The following ESR1 variants were observed in gnomAD, a reference collection of about 807,000 sequenced individuals.
ESR1 encodes the protein estrogen receptor 1.
A neutral mutation model predicts 52.7 loss-of-function variants in ESR1; 12 were observed. That is an observed-to-expected ratio of 0.23 (90% CI 0.15 to 0.37). ESR1 has a LOEUF of 0.37. Ranked by LOEUF, ESR1 falls within the 10% of genes least tolerant of loss-of-function variation. The pLI is 1.00. For synonymous variants in ESR1, 305 were observed against 316.8 expected (o/e 0.96, Z 0.39); for missense variants, 584 against 779.7 (o/e 0.75, Z 2.99).
In ESR1 at chr6:151,861,336, C is replaced by T. The variant is rs9340829; in HGVS notation, c.643+18549C>T. ...CTGAAAATGGAGTTTGGAATGGCAC[C>T]AAATTATTAATCAGTAGAAGGAGAA... On this transcript the variant is annotated intron_variant, in intron 2 of 7. Coordinates refer to ENST00000206249, the MANE Select transcript of ESR1 (RefSeq NM_000125.4). Among the ~76,000 whole-genome samples the T allele has an allele frequency of 6.2e-3, 946 of 151,996 alleles. 3 individuals are homozygous for T. The highest frequency in any genetic ancestry group is 0.02 in the Middle Eastern group (6 of 294).
At chr6:151,709,641 T>A (rs1284772164) in intron 2 of ESR1, among the ~76,000 whole-genome samples, 1 of 152,178 alleles carries the variant, frequency 6.6e-6, no homozygotes, top group Non-Finnish European at 1.5e-5. Flanking sequence ...TTTGTCCTTT[T>A]CATAATACCC....
At chr6:151,757,033 C>G (rs544114674) in intron 2 of ESR1, among the ~76,000 whole-genome samples, 4 of 152,070 alleles carry the variant, frequency 2.6e-5, no homozygotes, top group Admixed American at 6.5e-5. Context: ...AATAAATGAT[C>G]TCACAGGATA....
chr6:151,671,261 T>C (rs192669535), intron 1 of ESR1, among the ~76,000 whole-genome samples: 19 of 152,276 alleles, frequency 1.2e-4, no homozygotes, highest in Non-Finnish European at 2.6e-4. Context: ...TGCACAATAG[T>C]CAAGATATGG....
intron 4 of ESR1, among the ~76,000 whole-genome samples, chr6:151,994,732 T>C (rs1286319109): frequency 2.0e-5 from 3 of 152,134 alleles, no homozygotes; most frequent in Admixed American, 2.0e-4. Flanking sequence ...TACAGTGCAT[T>C]CTAGCAAACT....
chr6:151,843,220 A>G (rs917305213), intron 2 of ESR1, among the ~76,000 whole-genome samples: 5 of 152,138 alleles, frequency 3.3e-5, no homozygotes, highest in Non-Finnish European at 7.4e-5. Flanking sequence ...GTCCAGGCAA[A>G]TATTCTGTTT....
chr6:151,914,485 A>G (rs571098184), intron 3 of ESR1, among the ~76,000 whole-genome samples: 2 of 152,374 alleles, frequency 1.3e-5, no homozygotes, highest in African/African-American at 2.4e-5. Context: ...TATAATGGAT[A>G]TAATACCAAG....
intron 6 of ESR1, among the ~76,000 whole-genome samples, chr6:152,072,412 C>T (rs564530834): frequency 3.9e-5 from 6 of 152,098 alleles, no homozygotes; most frequent in Non-Finnish European, 7.3e-5. Context: ...GTGTATCTCT[C>T]TTTAAAAACT....
In ESR1 at chr6:151,837,679, C is replaced by A. The variant is rs139229086; in HGVS notation, c.453-4918C>A. 5.7e-3 allele frequency among the ~76,000 whole-genome samples: 863 copies of A among 152,270 alleles called. 3 individuals carry two copies. Among genetic ancestry groups the A allele is most frequent in the Non-Finnish European group, 1.0e-2 (679 of 68,026 alleles). On this transcript the variant is annotated intron_variant, in intron 1 of 7. Coordinates refer to ENST00000206249, the MANE Select transcript of ESR1 (RefSeq NM_000125.4). ...TTTCTTTCCAGAGAATCTCTACAGG[C>A]ATCTGTTAGGTTGAAGGACATCTAA...
chr6:151,820,151 A>T (rs186870048), intron 1 of ESR1, among the ~76,000 whole-genome samples: 1 of 152,288 alleles, frequency 6.6e-6, no homozygotes, highest in African/African-American at 2.4e-5. Flanking sequence ...TAATAGAGCA[A>T]GTGACCCTTT....
chr6:151,992,216 G>A (rs1464163286), intron 4 of ESR1, among the ~76,000 whole-genome samples: 4 of 152,052 alleles, frequency 2.6e-5, no homozygotes, highest in East Asian at 1.9e-4. Flanking sequence ...GCTCAGTGGC[G>A]TTAAGTGCAT....
intron 1 of ESR1, among the ~76,000 whole-genome samples, chr6:151,834,552 G>A (rs1184685396): frequency 6.6e-6 from 1 of 152,110 alleles, no homozygotes; most frequent in Admixed American, 6.5e-5. Context: ...TCTATCAGGG[G>A]GTTGGGGGCT....
chr6:151,701,211 G>GTTTT (rs34710279), intron 1 of ESR1, among the ~76,000 whole-genome samples: 1 of 145,062 alleles, frequency 6.9e-6, no homozygotes, highest in Admixed American at 6.9e-5. Context: ...TGGGCTGGGA[G>GTTTT]TTTTTTTTTT....
At chr6:151,898,770 A>G (rs1024095521) in intron 3 of ESR1, among the ~76,000 whole-genome samples, 3 of 152,138 alleles carry the variant, frequency 2.0e-5, no homozygotes, top group African/African-American at 7.2e-5. Context: ...TTAGTACAGA[A>G]CAAAATGAAA....
chr6:151,841,770 A>G (rs187811606), intron 1 of ESR1, among the ~76,000 whole-genome samples: 1 of 151,388 alleles, frequency 6.6e-6, no homozygotes, highest in Admixed American at 6.6e-5. Flanking sequence ...TGGAGTTGTC[A>G]TGATCAATCA....
intron 2 of ESR1, among the ~76,000 whole-genome samples, chr6:151,857,803 A>G (rs542921134): frequency 6.6e-6 from 1 of 152,314 alleles, no homozygotes; most frequent in African/African-American, 2.4e-5. Flanking sequence ...TGCTGGGATT[A>G]CAGATGTGAG....
At position 152,069,822 on chromosome 6, in the gene ESR1, T is replaced by C. The variant is rs996396087; in HGVS notation, c.1369+8698T>C. On this transcript the variant is annotated intron_variant, in intron 6 of 7. Transcript: ENST00000206249. The stretch of plus-strand genomic sequence containing the variant: ...CTGTGTGGCTCAGTTCCTGACAGAT[T>C]ACGGACTGGTACCAGTTTGCAACCC... 7.3e-5 allele frequency among the ~76,000 whole-genome samples: 10 copies of C among 137,364 alleles called. 1 individual carries two copies. Among genetic ancestry groups the C allele is most frequent in the African/African-American group, 6.5e-5 (2 of 30,916 alleles). 90.1% of individuals were successfully genotyped at this position (137,364 alleles called of 152,430 possible). A position where few individuals can be genotyped will look rare whatever the true frequency, so the allele number is the denominator to read the frequency against.
upstream of ESR1, chr6:151,807,423 T>C (rs1388847288): frequency 4.9e-6 from 1 of 205,428 alleles, no homozygotes; most frequent in East Asian, 1.1e-4. Context: ...AGCCCAGTCT[T>C]CCCTGGGCCA....
chr6:151,901,071 G>A (rs1796598635), intron 3 of ESR1, among the ~76,000 whole-genome samples: 1 of 152,170 alleles, frequency 6.6e-6, no homozygotes, highest in South Asian at 2.1e-4. Context: ...GGTGGGGCAA[G>A]GCTAGGACTG....
At chr6:151,935,178 G>A (rs926241194) in intron 3 of ESR1, among the ~76,000 whole-genome samples, 1 of 152,178 alleles carries the variant, frequency 6.6e-6, no homozygotes, top group East Asian at 1.9e-4. Flanking sequence ...CTTGGGATAT[G>A]GCGAGTGCTC....
Sources: allele counts gnomAD v4.1 joint callset (sites outside exome capture counted in the v4.1 genomes callset), GRCh38; gene constraint gnomAD v4.1.1; transcripts MANE v1.5; gene names NCBI Gene and HGNC (gene_info 2026-07-23, HGNC 2026-07-21).